Variants in VRK2 observed in about 807,000 individuals in gnomAD.
VRK2 encodes serine/threonine-protein kinase VRK2.
In VRK2, 60 loss-of-function variants were observed where a neutral mutation model predicts 57.6. That is an observed-to-expected ratio of 1.04 (90% confidence interval 0.85 to 1.29). VRK2 has a LOEUF of 1.29. Ranked by LOEUF, VRK2 falls within the 50% of genes most tolerant of loss-of-function variation. The pLI, the probability that VRK2 is intolerant of heterozygous loss-of-function variation, is 0.00. For synonymous variants in VRK2, 231 were observed against 199.2 expected, an observed-to-expected ratio of 1.16 and a Z score of -1.35; for missense variants, 705 against 588.1, an observed-to-expected ratio of 1.20 and a Z score of -2.06.
intron 7 of VRK2, among the ~76,000 whole-genome samples, chr2:58,115,235 A>C (rs1241366859): frequency 6.6e-6 from 1 of 151,990 alleles, no homozygotes; most frequent in African/African-American, 2.4e-5. Context: ...AATGGGGTGA[A>C]TATCAGGTGG....
chr2:58,048,286 G>A (rs903659116), intron 1 of VRK2, among the ~76,000 whole-genome samples: 2 of 152,106 alleles, frequency 1.3e-5, no homozygotes, highest in South Asian at 2.1e-4. Flanking sequence ...ATTCTGCTAA[G>A]TTACATATCC....
At chr2:58,130,835 A>G (rs1679087997) in intron 8 of VRK2, among the ~76,000 whole-genome samples, 2 of 152,188 alleles carry the variant, frequency 1.3e-5, no homozygotes, top group Non-Finnish European at 2.9e-5. Context: ...TTGAATGACT[A>G]CAAAAATGAG....
rs142430015 is a variant in VRK2 at position 58,140,552 on chromosome 2, T to C, written c.1023+720T>C. Among the ~76,000 whole-genome samples the C allele has an allele frequency of 1.9e-3, 290 of 152,080 alleles. 1 individual carries two copies. The highest frequency in any genetic ancestry group is 2.0e-3 in the Admixed American group (31 of 15,224). On this transcript the variant is annotated intron_variant, in intron 11 of 12. Transcript: ENST00000340157. ...TTTTCCTGATGCATGTACAGTAAGA[T>C]AGGGTCAGGATGCTATTCATTTTTA... is the stretch of plus-strand genomic sequence containing the variant.
At chr2:58,112,618 C>T (rs1017761702) in intron 7 of VRK2, among the ~76,000 whole-genome samples, 1 of 151,026 alleles carries the variant, frequency 6.6e-6, no homozygotes, top group African/African-American at 2.4e-5. Flanking sequence ...TACATGGACA[C>T]GGGAGTCCTG....
chr2:58,074,142 C>T (rs997728505), intron 2 of VRK2, among the ~76,000 whole-genome samples: 2 of 152,036 alleles, frequency 1.3e-5, no homozygotes, highest in Non-Finnish European at 2.9e-5. Context: ...CATGATAGAT[C>T]TTTCTTTGTC....
intron 12 of VRK2, among the ~76,000 whole-genome samples, chr2:58,152,266 CAA>C (rs1219411882): frequency 6.6e-6 from 1 of 151,794 alleles, no homozygotes; most frequent in Non-Finnish European, 1.5e-5. Flanking sequence ...TTCAAGTGGT[CAA>C]GTCATATTAG....
intron 2 of VRK2, among the ~76,000 whole-genome samples, chr2:58,028,919 T>A (rs1277675574): frequency 7.8e-6 from 1 of 128,896 alleles, no homozygotes; most frequent in Non-Finnish European, 1.7e-5. Flanking sequence ...TATATATATA[T>A]ATATATATAT....
upstream of VRK2, among the ~76,000 whole-genome samples, chr2:58,045,621 T>C (rs1270598408): frequency 1.3e-5 from 2 of 152,224 alleles, no homozygotes; most frequent in Non-Finnish European, 2.9e-5. Flanking sequence ...TGTTTGTTTT[T>C]AGAAACGTCT....
At chr2:58,155,043 T>TAG (rs1477003230) in intron 12 of VRK2, among the ~76,000 whole-genome samples, 1 of 152,176 alleles carries the variant, frequency 6.6e-6, no homozygotes, top group East Asian at 1.9e-4. Flanking sequence ...ATGGATAGGA[T>TAG]ATGACGGTCT....
chr2:58,021,010 T>C (rs1369176869), intron 1 of VRK2, among the ~76,000 whole-genome samples: 1 of 152,188 alleles, frequency 6.6e-6, no homozygotes, highest in Non-Finnish European at 1.5e-5. Flanking sequence ...ACAAAGTATG[T>C]TAAAATTGGT....
At chr2:58,154,672 T>C (rs1232153971) in intron 12 of VRK2, 1 of 710,772 alleles carries the variant, frequency 1.4e-6, no homozygotes, top group African/African-American at 1.8e-5. Context: ...AAGGGGTCTT[T>C]AAATTTTAAA....
chr2:57,907,714 G>T (rs1037445838), exon 1 of VRK2: 1 of 152,136 alleles, frequency 6.6e-6, no homozygotes, highest in East Asian at 1.9e-4. Context: ...TTGTCCTCAT[G>T]GGGAAAGTAT....
intron 1 of VRK2, among the ~76,000 whole-genome samples, chr2:57,977,401 T>C (rs568670865): frequency 2.9e-4 from 44 of 152,278 alleles, no homozygotes; most frequent in African/African-American, 1.0e-3. Flanking sequence ...CCTTCAGCAG[T>C]GTTTTGTAGT....
intron 1 of VRK2, among the ~76,000 whole-genome samples, chr2:57,965,439 G>A (rs954665560): frequency 1.3e-5 from 2 of 152,194 alleles, no homozygotes; most frequent in Non-Finnish European, 2.9e-5. Context: ...ATAATGTATA[G>A]GAACCAGAGT....
intron 1 of VRK2, among the ~76,000 whole-genome samples, chr2:57,974,067 G>A (rs10172295): frequency 0.32 from 49,042 of 151,540 alleles, 9,386 homozygotes; most frequent in East Asian, 0.46. Flanking sequence ...CTCTGAGGAA[G>A]AAGTTAGCTT....
At chr2:58,091,144 C>T (rs1470869333) in intron 7 of VRK2, among the ~76,000 whole-genome samples, 1 of 152,118 alleles carries the variant, frequency 6.6e-6, no homozygotes, top group Admixed American at 6.5e-5. Context: ...GAATACATGT[C>T]ATCATTTGGT....
At chr2:58,057,730 AT>A (rs1472423785) in intron 2 of VRK2, among the ~76,000 whole-genome samples, 1 of 152,146 alleles carries the variant, frequency 6.6e-6, no homozygotes, top group African/African-American at 2.4e-5. Flanking sequence ...GAAAGGTTTG[AT>A]TAAGGGTTTT....
At chr2:58,140,828 T>G (rs998135307) in intron 11 of VRK2, among the ~76,000 whole-genome samples, 11 of 152,018 alleles carry the variant, frequency 7.2e-5, no homozygotes, top group African/African-American at 2.4e-4. Flanking sequence ...AAAAGAAGTA[T>G]TTGAATGACT....
Position 58,046,850 on chromosome 2 carries a change from C to T in VRK2, c.-24C>T. ...GGAGGCGGTGCGCGCGGCCCGGCGACGGGGGATCCTGAGGCCCGGTCAGTC... is the reference window on the plus strand; with the variant it reads ...GGAGGCGGTGCGCGCGGCCCGGCGATGGGGGATCCTGAGGCCCGGTCAGTC... On this transcript the variant is annotated 5_prime_UTR_variant, in exon 1 of 13. It adds an upstream start codon to the 5' untranslated region. Coordinates refer to ENST00000340157, the MANE Select transcript of VRK2 (RefSeq NM_006296.7). The T allele has an allele frequency of 1.0e-6, 1 of 985,292 alleles. No individual in the cohort carries two copies. Among genetic ancestry groups the T allele is most frequent in the Non-Finnish European group, 1.2e-6 (1 of 829,850 alleles). 61.0% of individuals were successfully genotyped at this position (985,292 alleles called of 1,614,324 possible).
Sources: gnomAD v4.1 joint callset for allele counts (sites outside exome capture counted in the v4.1 genomes callset) on GRCh38, gnomAD v4.1.1 for gene constraint, MANE v1.5 for transcripts, NCBI Gene and HGNC (gene_info 2026-07-23, HGNC 2026-07-21) for gene names.